Variants in NTRK2 observed in about 807,000 individuals in gnomAD.
NTRK2 encodes the protein neurotrophic receptor tyrosine kinase 2, also known as BDNF/NT-3 growth factors receptor.
In NTRK2, 13 loss-of-function variants were observed where a neutral mutation model predicts 94.5. That is an observed-to-expected ratio of 0.14 (90% CI 0.09 to 0.22). NTRK2 has a LOEUF of 0.22. NTRK2 is among the 10% of genes least tolerant of loss of function. The pLI is 1.00. For synonymous variants in NTRK2, 372 were observed against 407.4 expected (o/e 0.91, Z 1.05); for missense variants, 639 against 1,071.2 (o/e 0.60, Z 5.63).
chr9:84,741,588 A>G (rs1240181430), intron 9 of NTRK2, among the ~76,000 whole-genome samples: 3 of 152,252 alleles, frequency 2.0e-5, no homozygotes, highest in African/African-American at 7.2e-5. Context: ...TAAGAGAAAC[A>G]GTACCAAAAG....
At chr9:84,870,126 T>TATATAC (rs774255186) in intron 14 of NTRK2, among the ~76,000 whole-genome samples, 174 of 95,598 alleles carry the variant, frequency 1.8e-3, no homozygotes, top group African/African-American at 5.3e-3. Context: ...TATATATATA[T>TATATAC]ACACACACAC....
At chr9:84,905,449 G>A (rs913454025) in intron 14 of NTRK2, among the ~76,000 whole-genome samples, 19 of 152,264 alleles carry the variant, frequency 1.2e-4, no homozygotes, top group Admixed American at 9.8e-4. Flanking sequence ...AGATGAGACA[G>A]GGTAAAACAA....
At chr9:84,750,341 A>G (rs1342886045) in intron 11 of NTRK2, among the ~76,000 whole-genome samples, 1 of 152,222 alleles carries the variant, frequency 6.6e-6, no homozygotes, top group Non-Finnish European at 1.5e-5. Flanking sequence ...GCAGTGACAC[A>G]AGTCTGAACT....
At chr9:84,821,862 G>A (rs777965291) in intron 12 of NTRK2, among the ~76,000 whole-genome samples, 3 of 151,276 alleles carry the variant, frequency 2.0e-5, no homozygotes, top group Non-Finnish European at 4.4e-5. Flanking sequence ...AAGAGAGAAT[G>A]TGTGTAAATT....
In NTRK2 at chr9:84,670,623, A is replaced by T; in HGVS notation, c.-126A>T. ...CAGCCTCTGATAAGCTGGACTCGGC[A>T]CGCCCGCAACAAGCACCGAGGAGTT... On this transcript the variant is annotated 5_prime_UTR_variant, in exon 2 of 19. Coordinates refer to ENST00000277120, the MANE Select transcript of NTRK2 (RefSeq NM_006180.6). 1 of 934,302 alleles carries T rather than the reference A, an allele frequency of 1.1e-6. No homozygotes were observed. The highest frequency in any genetic ancestry group is 1.7e-6 in the Non-Finnish European group (1 of 585,922). 57.9% of individuals were successfully genotyped at this position (934,302 alleles called of 1,614,324 possible).
At chr9:84,953,927 A>T (rs1823782366) in intron 16 of NTRK2, among the ~76,000 whole-genome samples, 1 of 152,216 alleles carries the variant, frequency 6.6e-6, no homozygotes, top group African/African-American at 2.4e-5. Flanking sequence ...CCCGAAATCA[A>T]AGGCAAAGAC....
At chr9:84,751,828 A>G (rs934496317) in intron 11 of NTRK2, among the ~76,000 whole-genome samples, 158 bp from the exon 12 acceptor site, 3 of 152,226 alleles carry the variant, frequency 2.0e-5, no homozygotes, top group Non-Finnish European at 4.4e-5. Flanking sequence ...GTCGCAGATT[A>G]AGTGAGTTGG....
intron 17 of NTRK2, among the ~76,000 whole-genome samples, chr9:84,967,017 A>C (rs1307880692): frequency 6.6e-6 from 1 of 152,196 alleles, no homozygotes; most frequent in Non-Finnish European, 1.5e-5. Flanking sequence ...TCTCTTGAAC[A>C]CCAGAGCTTA....
chr9:84,810,982 T>G (rs1564329459), intron 12 of NTRK2: 1 of 1,110,226 alleles, frequency 9.0e-7, no homozygotes, highest in African/African-American at 1.6e-5. Flanking sequence ...CCTGCAAAGT[T>G]AAAAAAAAAT....
chr9:84,766,271 G>T (rs1281933867), intron 12 of NTRK2, among the ~76,000 whole-genome samples: 1 of 152,132 alleles, frequency 6.6e-6, no homozygotes, highest in Non-Finnish European at 1.5e-5. Flanking sequence ...GAGGAAGAGT[G>T]GGTGCAAGAC....
intron 16 of NTRK2, among the ~76,000 whole-genome samples, chr9:84,949,252 G>C (rs1252687256): frequency 5.3e-5 from 8 of 152,160 alleles, no homozygotes; most frequent in African/African-American, 1.9e-4. Context: ...AACATTGATT[G>C]AAGACTCCAG....
chr9:84,750,514 G>A (rs761460366), intron 11 of NTRK2, among the ~76,000 whole-genome samples: 17 of 152,196 alleles, frequency 1.1e-4, no homozygotes, highest in Admixed American at 1.3e-4. Context: ...AAGCCAGAAT[G>A]GCTCTCTAAG....
chr9:84,839,455 C>G (rs1203792950), intron 12 of NTRK2, among the ~76,000 whole-genome samples: 1 of 152,188 alleles, frequency 6.6e-6, no homozygotes, highest in Non-Finnish European at 1.5e-5. Flanking sequence ...GCTTCAAACT[C>G]TTGGACCCGT....
At chr9:84,875,892 T>G in intron 14 of NTRK2, 1 of 1,039,022 alleles carries the variant, frequency 9.6e-7, no homozygotes, top group Non-Finnish European at 1.2e-6. Context: ...AATATTAAGT[T>G]TAAGAGATTA....
chr9:84,772,729 C>T (rs4606136), intron 12 of NTRK2, among the ~76,000 whole-genome samples: 2,802 of 152,240 alleles, frequency 0.018, 84 homozygotes, highest in African/African-American at 0.064. Context: ...AGAGTCCACC[C>T]TCCAGTGGGG....
chr9:84,911,992 A>G (rs973338874), intron 14 of NTRK2, among the ~76,000 whole-genome samples: 18 of 151,974 alleles, frequency 1.2e-4, no homozygotes, highest in Admixed American at 2.6e-4. Flanking sequence ...TTCCCTTGAG[A>G]TTTCCTATTT....
chr9:84,800,781 G>A (rs184647500), intron 12 of NTRK2, among the ~76,000 whole-genome samples: 1 of 152,254 alleles, frequency 6.6e-6, no homozygotes, highest in East Asian at 1.9e-4. Context: ...AAGAGGGCAC[G>A]AGCCCACCCT....
At chr9:84,827,424 G>A (rs2073257530) in intron 12 of NTRK2, among the ~76,000 whole-genome samples, 1 of 152,216 alleles carries the variant, frequency 6.6e-6, no homozygotes, top group Non-Finnish European at 1.5e-5. Context: ...TGTTCTCTGA[G>A]CGCAACTCCA....
intron 2 of NTRK2, among the ~76,000 whole-genome samples, chr9:84,671,366 G>A (rs929426428): frequency 3.3e-5 from 5 of 152,084 alleles, no homozygotes; most frequent in African/African-American, 1.2e-4. Context: ...CTAGAAAAGA[G>A]GTTAAAATAA....
Sources: gnomAD v4.1 joint callset for allele counts (sites outside exome capture counted in the v4.1 genomes callset) on GRCh38, gnomAD v4.1.1 for gene constraint, MANE v1.5 for transcripts, NCBI Gene and HGNC (gene_info 2026-07-23, HGNC 2026-07-21) for gene names.